Variants in TRDMT1 observed in about 807,000 individuals in gnomAD.
TRDMT1 encodes tRNA (cytosine(38)-C(5))-methyltransferase.
A neutral mutation model predicts 51.2 loss-of-function variants in TRDMT1; 49 were observed. The observed-to-expected ratio is 0.96, with a 90% CI of 0.76 to 1.21. TRDMT1 has a LOEUF of 1.21. TRDMT1 is among the 50% of genes most tolerant of loss of function. The probability of loss-of-function intolerance (pLI) is 0.00; values close to 1 mark genes in which losing one functional copy is unlikely to be tolerated. For synonymous variants in TRDMT1, 187 were observed against 164.6 expected, an observed-to-expected ratio of 1.14 and a Z score of -1.04; for missense variants, 534 against 462.3, an observed-to-expected ratio of 1.16 and a Z score of -1.42.
intron 1 of TRDMT1, among the ~76,000 whole-genome samples, chr10:17,178,800 A>T (rs778564014): frequency 7.2e-5 from 11 of 152,168 alleles, no homozygotes; most frequent in Non-Finnish European, 1.3e-4. Context: ...AAGTTTCCAT[A>T]GTCAGCTAAC....
intron 1 of TRDMT1, among the ~76,000 whole-genome samples, chr10:17,188,095 CT>C (rs979842132): frequency 6.7e-6 from 1 of 149,126 alleles, no homozygotes; most frequent in Non-Finnish European, 1.5e-5. Flanking sequence ...GTTTTTTGAA[CT>C]TTTTTTTAAC....
At chr10:17,174,175 A>C (rs910247403) in intron 2 of TRDMT1, among the ~76,000 whole-genome samples, 3 of 152,252 alleles carry the variant, frequency 2.0e-5, no homozygotes, top group African/African-American at 7.2e-5. Context: ...AATAAGAAGC[A>C]TTCAGTAAAA....
Position 17,154,554 on chromosome 10 carries a change from T to C in TRDMT1, c.945+123A>G, listed in dbSNP as rs188576989. On this transcript the variant is annotated intron_variant, in intron 9 of 10. Coordinates refer to ENST00000377799, the MANE Select transcript of TRDMT1 (RefSeq NM_004412.7). The stretch of plus-strand genomic sequence containing the variant: ...AATATTATATATATGAATATACATA[T>C]GAATGAATAAAATATATATTCATGG... The C allele has an allele frequency of 1.6e-4, 82 of 509,152 alleles. 1 individual carries two copies. The highest frequency in any genetic ancestry group is 4.2e-4 in the Admixed American group (10 of 23,768). 31.5% of individuals were successfully genotyped at this position (509,152 alleles called of 1,614,324 possible). A position where few individuals can be genotyped will look rare whatever the true frequency, so the allele number is the denominator to read the frequency against.
rs1837508325 is a variant in TRDMT1, at chr10:17,139,056, A to G, written c.*9984T>C. ...GCTCCAAAAGCTAGTAAAAAAATCAACAGAGCTTTCTCTACCTCCAACAGC... is the reference window on the plus strand; with the variant it reads ...GCTCCAAAAGCTAGTAAAAAAATCAGCAGAGCTTTCTCTACCTCCAACAGC... On this transcript the variant is annotated 3_prime_UTR_variant, in exon 11 of 11. Coordinates refer to ENST00000377799, the MANE Select transcript of TRDMT1 (RefSeq NM_004412.7). The G allele has an allele frequency of 2.0e-6, 1 of 510,708 alleles. No homozygotes were observed. Among genetic ancestry groups the G allele is most frequent in the African/African-American group, 2.1e-5 (1 of 47,874 alleles). 31.6% of individuals were successfully genotyped at this position (510,708 alleles called of 1,614,324 possible). A position where few individuals can be genotyped will look rare whatever the true frequency, so the allele number is the denominator to read the frequency against.
intron 9 of TRDMT1, 58 bp from the exon 10 acceptor site, chr10:17,153,694 C>T (rs1839098540): frequency 6.7e-7 from 1 of 1,495,882 alleles, no homozygotes; most frequent in South Asian, 1.4e-5. Context: ...TTTAAGATCT[C>T]CTGCTGTGAG....
Position 17,160,381 on chromosome 10 carries a change from A to AG in TRDMT1, c.390-8dup, listed in dbSNP as rs1475910974. The stretch of plus-strand genomic sequence containing the variant: ...TGTTTGTATCAAGAGGTCTCTAAAA[A>AG]GAAAAAAAAAAAACTTTAATTCTTA... On this transcript the variant is annotated splice_region_variant and splice_polypyrimidine_tract_variant and intron_variant, in intron 5 of 10. Coordinates refer to ENST00000377799, the MANE Select transcript of TRDMT1 (RefSeq NM_004412.7). 6.6e-7 allele frequency: 1 copy of AG among 1,508,050 alleles called. No homozygotes were observed. Among genetic ancestry groups the AG allele is most frequent in the East Asian group, 2.3e-5 (1 of 42,608 alleles). The allele number at this position is 1,508,050 out of a possible 1,614,324, so 93.4% of individuals were successfully genotyped here.
At position 17,144,119 on chromosome 10, in the gene TRDMT1, CG is replaced by C; in HGVS notation, c.*4920del. 3.0e-6 allele frequency: 3 copies of C among 985,390 alleles called. No homozygotes were observed. Among genetic ancestry groups the C allele is most frequent in the Non-Finnish European group, 3.6e-6 (3 of 829,918 alleles). 61.0% of individuals were successfully genotyped at this position (985,390 alleles called of 1,614,324 possible). On this transcript the variant is annotated 3_prime_UTR_variant, in exon 11 of 11. Coordinates refer to ENST00000377799, the MANE Select transcript of TRDMT1 (RefSeq NM_004412.7). ...TGAAGGGTAGAAAGAGACCTGAGGA[CG>C]GAACCTTCAGATAAGTCAGCTCCAA...
intron 3 of TRDMT1, among the ~76,000 whole-genome samples, chr10:17,163,204 C>T (rs71495253): frequency 0.057 from 8,699 of 152,202 alleles, 299 homozygotes; most frequent in Non-Finnish European, 0.083. Flanking sequence ...ACAGGCAGTA[C>T]TTGGGCTAGC....
At chr10:17,150,704 A>G (rs1838579855) in intron 10 of TRDMT1, 1 of 984,666 alleles carries the variant, frequency 1.0e-6, no homozygotes, top group African/African-American at 1.7e-5. Flanking sequence ...AGGTAGAATT[A>G]GTTACAATAA....
intron 1 of TRDMT1, among the ~76,000 whole-genome samples, chr10:17,196,891 G>C (rs34539222): frequency 6.6e-6 from 1 of 151,908 alleles, no homozygotes; most frequent in African/African-American, 2.4e-5. Flanking sequence ...TTAAACAAAC[G>C]AGGAAACCCA....
At position 17,140,081 on chromosome 10, in the gene TRDMT1, T is replaced by A. The variant is rs1008602729; in HGVS notation, c.*8959A>T. 4.8e-5 allele frequency among the ~76,000 whole-genome samples: 6 copies of A among 123,976 alleles called. No individual in the cohort carries two copies. The highest frequency in any genetic ancestry group is 3.8e-4 in the Admixed American group (4 of 10,418). 81.3% of individuals were successfully genotyped at this position (123,976 alleles called of 152,430 possible). A position where few individuals can be genotyped will look rare whatever the true frequency, so the allele number is the denominator to read the frequency against. Reference sequence around the variant, plus strand: ...TTTTTTTTGAGACAGAGTCTTGCCCTGTCACCCAGGCTGGAATGATGCAAT... The same window carrying A: ...TTTTTTTTGAGACAGAGTCTTGCCCAGTCACCCAGGCTGGAATGATGCAAT... On this transcript the variant is annotated 3_prime_UTR_variant, in exon 11 of 11. Transcript: ENST00000377799.
chr10:17,167,090 T>C (rs912873603), intron 3 of TRDMT1, among the ~76,000 whole-genome samples: 1 of 152,218 alleles, frequency 6.6e-6, no homozygotes, highest in Non-Finnish European at 1.5e-5. Context: ...TAATTTAAGA[T>C]AACATTATAA....
intron 8 of TRDMT1, among the ~76,000 whole-genome samples, chr10:17,156,164 A>C (rs1416669752): frequency 6.6e-6 from 1 of 152,188 alleles, no homozygotes; most frequent in African/African-American, 2.4e-5. Flanking sequence ...TGAATTGACA[A>C]ATCATACAAC....
chr10:17,197,130 T>A (rs1053316999), intron 1 of TRDMT1, among the ~76,000 whole-genome samples: 4 of 152,130 alleles, frequency 2.6e-5, no homozygotes, highest in African/African-American at 4.8e-5. Context: ...ATTTTTTTTT[T>A]CCTGATTATG....
chr10:17,196,660 G>A (rs941135209), intron 1 of TRDMT1, among the ~76,000 whole-genome samples: 4 of 152,196 alleles, frequency 2.6e-5, no homozygotes, highest in African/African-American at 9.7e-5. Context: ...TTGTTATACT[G>A]TGGCCATCTA....
intron 1 of TRDMT1, among the ~76,000 whole-genome samples, chr10:17,198,164 C>T (rs980254526): frequency 6.6e-6 from 1 of 152,042 alleles, no homozygotes; most frequent in South Asian, 2.1e-4. Flanking sequence ...AATGGAATAA[C>T]AAGTGGAGAA....
Position 17,148,865 on chromosome 10 carries a change from T to C in TRDMT1, c.*175A>G. 8.2e-7 allele frequency: 1 copy of C among 1,221,968 alleles called. No individual in the cohort carries two copies. Among genetic ancestry groups the C allele is most frequent in the Non-Finnish European group, 1.1e-6 (1 of 948,162 alleles). 75.7% of individuals were successfully genotyped at this position (1,221,968 alleles called of 1,614,324 possible). A position where few individuals can be genotyped will look rare whatever the true frequency, so the allele number is the denominator to read the frequency against. ...ATAGTTCGTATTTTATAAAATACAGTAATATAAATTTGATGAAACACATGG... is the reference window on the plus strand; with the variant it reads ...ATAGTTCGTATTTTATAAAATACAGCAATATAAATTTGATGAAACACATGG... On this transcript the variant is annotated 3_prime_UTR_variant, in exon 11 of 11. Transcript: ENST00000377799.
chr10:17,153,950 A>C (rs1394150985), intron 9 of TRDMT1, among the ~76,000 whole-genome samples: 3 of 152,240 alleles, frequency 2.0e-5, no homozygotes, highest in South Asian at 2.1e-4. Flanking sequence ...TGAAAAATGC[A>C]AAAGAAGCTT....
intron 1 of TRDMT1, chr10:17,200,583 T>G (rs951693792): frequency 1.8e-5 from 3 of 166,992 alleles, no homozygotes; most frequent in African/African-American, 7.2e-5. Flanking sequence ...GGTGGTTGTC[T>G]TAGTAATTTA....
Sources: gnomAD v4.1 joint callset for allele counts (sites outside exome capture counted in the v4.1 genomes callset) on GRCh38, gnomAD v4.1.1 for gene constraint, MANE v1.5 for transcripts, NCBI Gene and HGNC (gene_info 2026-07-23, HGNC 2026-07-21) for gene names.